Variants in TBC1D30 observed in about 807,000 individuals in gnomAD.
TBC1D30 encodes TBC1 domain family member 30, also known as TBC1 domain family, member 30.
A neutral mutation model predicts 63.2 loss-of-function variants in TBC1D30; 31 were observed. That is an observed-to-expected ratio of 0.49 (90% confidence interval 0.37 to 0.66). The LOEUF (loss-of-function observed/expected upper bound fraction) is 0.66. Ranked by LOEUF, TBC1D30 falls within the 30% of genes least tolerant of loss-of-function variation. The pLI, the probability that TBC1D30 is intolerant of heterozygous loss-of-function variation, is 0.00. For missense variants in TBC1D30, 810 were observed against 953.6 expected, an observed-to-expected ratio of 0.85 and a Z score of 1.98; for synonymous variants, 307 against 361.5, an observed-to-expected ratio of 0.85 and a Z score of 1.71.
chr12:64,770,794 C>T (rs1870879574), intron 1 of TBC1D30, among the ~76,000 whole-genome samples: 1 of 151,830 alleles, frequency 6.6e-6, no homozygotes, highest in African/African-American at 2.4e-5. Flanking sequence ...ACCTCCGCCT[C>T]CCGGGCTCAA....
intron 1 of TBC1D30, among the ~76,000 whole-genome samples, chr12:64,767,651 C>T (rs1870759943): frequency 6.6e-6 from 1 of 151,812 alleles, no homozygotes; most frequent in Non-Finnish European, 1.5e-5. Context: ...ATAATACAGC[C>T]CTGACAAATC....
chr12:64,875,411 T>G lies in TBC1D30; in HGVS notation c.1909T>G (p.Ser637Ala), dbSNP rs1185364632. 1 of 1,535,954 alleles carries G rather than the reference T, an allele frequency of 6.5e-7. No individual in the cohort carries two copies. The highest frequency in any genetic ancestry group is 1.4e-5 in the African/African-American group (1 of 72,966). Residue 637 changes from serine to alanine, a missense_variant, in exon 12 of 12, where the codon TCT becomes GCT. Ser to Ala is a moderately conservative substitution (Grantham distance 99). Transcript: ENST00000539867. ...TACCAGGAGGACGATCGAGGGGCAG[T>G]CTCCGGAGCCGGTGTTCGGAGATGC... is the stretch of plus-strand genomic sequence containing the variant. ...GSTRRTIEGQ[S>A]PEPVFGDADV...
intron 1 of TBC1D30, among the ~76,000 whole-genome samples, chr12:64,781,842 C>T (rs1328827036): frequency 2.0e-5 from 3 of 151,696 alleles, no homozygotes; most frequent in Admixed American, 6.6e-5. Flanking sequence ...TTCCAGGCAG[C>T]TCACTAGGAA....
Position 64,878,885 on chromosome 12 carries a change from A to G in TBC1D30, c.*3097A>G. 5.6e-6 allele frequency: 1 copy of G among 177,580 alleles called. No individual in the cohort carries two copies. The highest frequency in any genetic ancestry group is 1.4e-4 in the South Asian group (1 of 7,352). The allele number at this position is 177,580 out of a possible 1,614,324, so 11.0% of individuals were successfully genotyped here. On this transcript the variant is annotated 3_prime_UTR_variant, in exon 12 of 12. Transcript: ENST00000539867. ...AGTTTACCTAGAGAGTTTACCTAAA[A>G]TTAACCTTTAGATCTACTATTTATT... is the stretch of plus-strand genomic sequence containing the variant.
At chr12:64,775,631 A>G (rs968284922), upstream of TBC1D30, among the ~76,000 whole-genome samples, 3 of 152,230 alleles carry the variant, frequency 2.0e-5, no homozygotes, top group African/African-American at 7.2e-5. Flanking sequence ...TTCATAAAGC[A>G]TGTTCTTAGA....
intron 1 of TBC1D30, among the ~76,000 whole-genome samples, chr12:64,769,381 ATT>A (rs757317530): frequency 1.5e-5 from 2 of 134,954 alleles, no homozygotes; most frequent in Non-Finnish European, 1.6e-5. Context: ...AATTTTTGTA[ATT>A]TTTTTTTTTT....
intron 1 of TBC1D30, chr12:64,825,273 C>T (rs1874215648): frequency 2.1e-6 from 1 of 467,348 alleles, no homozygotes. Context: ...CTTCCACCCT[C>T]TCCCCGCGGA....
rs897766994 is a variant in TBC1D30 at position 64,838,798 on chromosome 12, A to C, written c.879A>C (p.Glu293Asp). The change falls in exon 7 of 12, where the codon GAA becomes GAC. Residue 293 changes from glutamate (E) to aspartate (D), a missense_variant. Glu to Asp is a conservative substitution (Grantham distance 45). Coordinates refer to ENST00000539867, the MANE Select transcript of TBC1D30 (RefSeq NM_015279.2). ...VLKIWDSVFF[E>D]GSEIILRVSL... is the part of the protein sequence containing the mutation. Reference sequence around the variant, plus strand: ...AGATCTGGGATTCAGTCTTCTTTGAAGGTTCAGAAATCATCCTAAGGGTGT... The same window carrying C: ...AGATCTGGGATTCAGTCTTCTTTGACGGTTCAGAAATCATCCTAAGGGTGT... 2.0e-6 allele frequency: 3 copies of C among 1,536,198 alleles called. No individual in the cohort carries two copies. The highest frequency in any genetic ancestry group is 1.7e-6 in the Non-Finnish European group (2 of 1,146,936).
At chr12:64,841,659 G>C (rs1875883631) in intron 7 of TBC1D30, among the ~76,000 whole-genome samples, 1 of 152,190 alleles carries the variant, frequency 6.6e-6, no homozygotes, top group African/African-American at 2.4e-5. Flanking sequence ...CTCGCTGGTT[G>C]TGCGGAGCTA....
chr12:64,798,830 T>G (rs1323406699), intron 2 of TBC1D30, among the ~76,000 whole-genome samples: 1 of 148,780 alleles, frequency 6.7e-6, no homozygotes, highest in East Asian at 2.0e-4. Context: ...TTTTTTTTGT[T>G]GAGACGGAGT....
chr12:64,802,325 T>C (rs1872621528), intron 2 of TBC1D30, among the ~76,000 whole-genome samples: 1 of 152,112 alleles, frequency 6.6e-6, no homozygotes, highest in Non-Finnish European at 1.5e-5. Context: ...TTTTGGCATA[T>C]CTGGGCCCTC....
At chr12:64,796,373 T>A (rs1246780630) in intron 2 of TBC1D30, among the ~76,000 whole-genome samples, 1 of 152,172 alleles carries the variant, frequency 6.6e-6, no homozygotes, top group East Asian at 1.9e-4. Context: ...AGGAGTTTTT[T>A]GTTTGTTTTC....
At chr12:64,811,944 A>T (rs1279023815) in intron 2 of TBC1D30, among the ~76,000 whole-genome samples, 1 of 152,212 alleles carries the variant, frequency 6.6e-6, no homozygotes, top group African/African-American at 2.4e-5. Context: ...TTGACTTAGT[A>T]GATAGAGTAT....
chr12:64,769,622 G>A (rs933347398), intron 1 of TBC1D30, among the ~76,000 whole-genome samples: 1 of 148,928 alleles, frequency 6.7e-6, no homozygotes. Flanking sequence ...TCCTGACCTC[G>A]TGATCTGCCC....
exon 1 of TBC1D30, chr12:64,780,700 GC>G: frequency 1.0e-6 from 1 of 963,224 alleles, no homozygotes; most frequent in East Asian, 1.2e-4. Context: ...CTGGCGCCGC[GC>G]CCGGGAGGGC....
At chr12:64,841,914 A>G (rs1875909248) in intron 7 of TBC1D30, among the ~76,000 whole-genome samples, 1 of 152,206 alleles carries the variant, frequency 6.6e-6, no homozygotes, top group Non-Finnish European at 1.5e-5. Flanking sequence ...GATTAGAACA[A>G]CACTCCAGAA....
At position 64,875,568 on chromosome 12, in the gene TBC1D30, C is replaced by A; in HGVS notation, c.2066C>A (p.Pro689His). The A allele has an allele frequency of 1.3e-6, 2 of 1,536,066 alleles. No homozygotes were observed. Among genetic ancestry groups the A allele is most frequent in the South Asian group, 2.4e-5 (2 of 84,044 alleles). The part of the protein sequence containing the change: ...QRHCPEPPSA[P>H]EENKATSKAP... ...CACTGCCCAGAGCCGCCGAGTGCAC[C>A]CGAAGAAAACAAAGCCACCAGCAAA... The change falls in exon 12 of 12, where the codon CCC becomes CAC. Residue 689 changes from proline (P) to histidine (H), a missense_variant. Pro to His is a moderately conservative substitution (Grantham distance 77). This residue lies in a region of TBC1D30 where 450 missense variants were observed against 473.0 expected (regional missense o/e 0.95). Transcript: ENST00000539867.
intron 10 of TBC1D30, chr12:64,868,074 C>A (rs1048264820): frequency 1.2e-5 from 2 of 161,970 alleles, no homozygotes; most frequent in South Asian, 3.5e-4. Flanking sequence ...TCTGAAGGGT[C>A]ACAGGAAGTT....
In TBC1D30 at chr12:64,875,899, G is replaced by A. The variant is rs1052647450; in HGVS notation, c.*111G>A. The A allele has an allele frequency of 6.1e-6, 7 of 1,150,168 alleles. No individual in the cohort carries two copies. Among genetic ancestry groups the A allele is most frequent in the Non-Finnish European group, 2.4e-6 (2 of 845,606 alleles). 71.2% of individuals were successfully genotyped at this position (1,150,168 alleles called of 1,614,324 possible). ...GTCCAGTGAAAATGAATAGGTTCAG[G>A]GATGAGCAACAGCCCATAAAAAATG... is the stretch of plus-strand genomic sequence containing the variant. On this transcript the variant is annotated 3_prime_UTR_variant, in exon 12 of 12. Coordinates refer to ENST00000539867, the MANE Select transcript of TBC1D30 (RefSeq NM_015279.2).
Sources: gnomAD v4.1 joint callset for allele counts (sites outside exome capture counted in the v4.1 genomes callset) on GRCh38, gnomAD v4.1.1 for gene constraint, gnomAD v4.1.1 regional missense constraint, MANE v1.5 for transcripts, NCBI Gene and HGNC (gene_info 2026-07-23, HGNC 2026-07-21) for gene names.